FHL2: variants seen among roughly 807,000 people sequenced by gnomAD.
The protein encoded by FHL2 is four and a half LIM domains protein 2.
In FHL2, 20 loss-of-function variants were observed where a neutral mutation model predicts 32.7. The observed-to-expected ratio is 0.61, with a 90% CI of 0.43 to 0.89. The LOEUF is 0.89. Among genes scored for constraint, FHL2 ranks in the 40% least tolerant of loss-of-function variants. The pLI is 0.00. For missense variants in FHL2, 311 were observed against 358.6 expected (o/e 0.87, Z 1.07); for synonymous variants, 123 against 128.1 (o/e 0.96, Z 0.27).
At chr2:105,424,419 A>G (rs1483279548) in intron 1 of FHL2, among the ~76,000 whole-genome samples, 1 of 152,216 alleles carries the variant, frequency 6.6e-6, no homozygotes, top group African/African-American at 2.4e-5. Flanking sequence ...GCACTTTTAC[A>G]TTGTTGGTGG....
In FHL2 at chr2:105,398,986, G is replaced by A. The variant is rs772713446; in HGVS notation, c.-220C>T. 4 of 1,507,216 alleles carry A rather than the reference G, an allele frequency of 2.7e-6. No homozygotes were observed. The highest frequency in any genetic ancestry group is 3.5e-6 in the Non-Finnish European group (4 of 1,131,600). 93.4% of individuals were successfully genotyped at this position (1,507,216 alleles called of 1,614,324 possible). ...GGTACTCACGGCACCGCAGCGGGCC[G>A]GGGACTCCCGGACGGGGCTGGAGGG... On this transcript the variant is annotated 5_prime_UTR_variant, in exon 1 of 7. Transcript: ENST00000530340.
intron 1 of FHL2, among the ~76,000 whole-genome samples, chr2:105,428,568 G>T (rs373128287): frequency 6.6e-6 from 1 of 152,172 alleles, no homozygotes; most frequent in Non-Finnish European, 1.5e-5. Context: ...CCTCTCCTGC[G>T]GACAGGCCCG....
At chr2:105,369,295 C>T (rs1221406762) in intron 4 of FHL2, among the ~76,000 whole-genome samples, 2 of 152,176 alleles carry the variant, frequency 1.3e-5, no homozygotes, top group Admixed American at 6.5e-5. Context: ...TAGTCCATAG[C>T]TCTCAGCCCC....
Position 105,361,299 on chromosome 2 carries a change from C to T in FHL2, c.824G>A (p.Cys275Tyr), listed in dbSNP as rs749472445. 3 of 1,613,216 alleles carry T rather than the reference C, an allele frequency of 1.9e-6. No individual in the cohort carries two copies. Among genetic ancestry groups the T allele is most frequent in the Admixed American group, 3.3e-5 (2 of 59,790 alleles). ...TERDDILCPDCGKDI is the reference protein window; with the variant it reads ...TERDDILCPDYGKDI ...GTGTTGAATTCAGATGTCTTTCCCA[C>T]AGTCGGGGCACAGGATGTCGTCCCT... The change falls in exon 7 of 7, where the codon TGT becomes TAT. Residue 275 changes from cysteine (C) to tyrosine (Y), a missense_variant. Physicochemically the swap from Cys to Tyr is radical, Grantham distance 194. Transcript: ENST00000530340.
chr2:105,376,237 C>T (rs766423371), intron 3 of FHL2: 1 of 152,246 alleles, frequency 6.6e-6, no homozygotes, highest in Non-Finnish European at 1.5e-5. Flanking sequence ...AAGCTTCGAG[C>T]TCAAGTCCTC....
chr2:105,391,292 A>G (rs186607487), intron 2 of FHL2, among the ~76,000 whole-genome samples: 482 of 152,326 alleles, frequency 3.2e-3, no homozygotes, highest in Non-Finnish European at 5.2e-3. Flanking sequence ...GAAAAGAGAT[A>G]TATACCAAAC....
chr2:105,384,928 C>G (rs1183313655), intron 3 of FHL2, among the ~76,000 whole-genome samples: 2 of 152,232 alleles, frequency 1.3e-5, no homozygotes, highest in Non-Finnish European at 2.9e-5. Flanking sequence ...GGTGGCTGAG[C>G]TCTCATGCTT....
In FHL2 at chr2:105,361,443, A is replaced by G; in HGVS notation, c.689-9T>C. 1.9e-6 allele frequency: 3 copies of G among 1,610,808 alleles called. No individual in the cohort carries two copies. Among genetic ancestry groups the G allele is most frequent in the Non-Finnish European group, 2.5e-6 (3 of 1,178,266 alleles). On this transcript the variant is annotated splice_polypyrimidine_tract_variant and intron_variant, in intron 6 of 6. Coordinates refer to ENST00000530340, the MANE Select transcript of FHL2 (RefSeq NM_001318895.3). ...TTTTGTGCCACCAAGTCCTGTTAAC[A>G]GAGAGAAAATAATACCGGATGAAGA...
At chr2:105,387,871 A>G (rs1405304874) in intron 2 of FHL2, among the ~76,000 whole-genome samples, 1 of 152,228 alleles carries the variant, frequency 6.6e-6, no homozygotes, top group African/African-American at 2.4e-5. Flanking sequence ...CCCAGCGATG[A>G]CAGATTGGAT....
intron 5 of FHL2, among the ~76,000 whole-genome samples, chr2:105,365,974 G>A (rs1383620587): frequency 6.6e-6 from 1 of 152,162 alleles, no homozygotes; most frequent in African/African-American, 2.4e-5. Flanking sequence ...GGAGGTGGAG[G>A]CAGGTCGATC....
chr2:105,381,456 G>C (rs1681880862), intron 3 of FHL2, among the ~76,000 whole-genome samples: 1 of 152,130 alleles, frequency 6.6e-6, no homozygotes, highest in African/African-American at 2.4e-5. Flanking sequence ...CGCGCAGCTT[G>C]TCAAAGGTGG....
chr2:105,409,104 A>G (rs1683718490), intron 1 of FHL2, among the ~76,000 whole-genome samples: 1 of 152,212 alleles, frequency 6.6e-6, no homozygotes, highest in Non-Finnish European at 1.5e-5. Flanking sequence ...GCTTTAGCTC[A>G]CAGAGAGGGA....
intron 1 of FHL2, among the ~76,000 whole-genome samples, chr2:105,409,193 G>A (rs1683722000): frequency 6.6e-6 from 1 of 152,228 alleles, no homozygotes; most frequent in Non-Finnish European, 1.5e-5. Context: ...GCAAGTGAGG[G>A]AAAGAAAGAG....
chr2:105,381,336 G>C lies in FHL2; in HGVS notation c.156+5025C>G, dbSNP rs1485317552. Among the ~76,000 whole-genome samples, 5 of 152,116 alleles carry C rather than the reference G, an allele frequency of 3.3e-5. No individual in the cohort carries two copies. In the East Asian group the frequency reaches 5.8e-4, roughly 18 times the overall value. The stretch of plus-strand genomic sequence containing the variant: ...ACAGCACTGTGTTGGCATGTCACAG[G>C]TGCTCCCTAGACGTTAACTCACTCA... On this transcript the variant is annotated intron_variant, in intron 3 of 6. Coordinates refer to ENST00000530340, the MANE Select transcript of FHL2 (RefSeq NM_001318895.3).
intron 3 of FHL2, among the ~76,000 whole-genome samples, chr2:105,383,789 T>G (rs1682083229): frequency 6.6e-6 from 1 of 152,246 alleles, no homozygotes; most frequent in Admixed American, 6.5e-5. Flanking sequence ...TACCCGATTA[T>G]TTTTGAAAGT....
At chr2:105,384,818 C>T (rs1295064135) in intron 3 of FHL2, among the ~76,000 whole-genome samples, 2 of 152,204 alleles carry the variant, frequency 1.3e-5, no homozygotes. Flanking sequence ...CTGGTTCTCC[C>T]CATTTTATAG....
chr2:105,389,026 G>C (rs573609816), intron 2 of FHL2, among the ~76,000 whole-genome samples: 2 of 152,128 alleles, frequency 1.3e-5, no homozygotes, highest in African/African-American at 4.8e-5. Flanking sequence ...GCGTATACAC[G>C]ATCCTGACAA....
rs561876331 is a variant in FHL2, at chr2:105,384,259, T to C, written c.156+2102A>G. 3.3e-5 allele frequency among the ~76,000 whole-genome samples: 5 copies of C among 152,358 alleles called. No homozygotes were observed. The East Asian group carries it at 9.6e-4, about 29-fold the overall frequency. On this transcript the variant is annotated intron_variant, in intron 3 of 6. Coordinates refer to ENST00000530340, the MANE Select transcript of FHL2 (RefSeq NM_001318895.3). ...TTATAATTATATTTTTCTCGGGCTA[T>C]CTACTTCTTCCTCAAACTGGACATT...
Position 105,398,945 on chromosome 2 carries a change from G to C in FHL2, c.-179C>G. On this transcript the variant is annotated 5_prime_UTR_variant, in exon 1 of 7. Coordinates refer to ENST00000530340, the MANE Select transcript of FHL2 (RefSeq NM_001318895.3). ...GCTAAGCCCCTCGGCCTCCCTCCGGGGCGCAGGGGGTTGGAGGTACTCACG... is the reference window on the plus strand; with the variant it reads ...GCTAAGCCCCTCGGCCTCCCTCCGGCGCGCAGGGGGTTGGAGGTACTCACG... 1 of 1,533,822 alleles carries C rather than the reference G, an allele frequency of 6.5e-7. No individual in the cohort carries two copies. Among genetic ancestry groups the C allele is most frequent in the Non-Finnish European group, 8.7e-7 (1 of 1,143,590 alleles).
Sources: gnomAD v4.1 joint callset for allele counts (sites outside exome capture counted in the v4.1 genomes callset) on GRCh38, gnomAD v4.1.1 for gene constraint, MANE v1.5 for transcripts, NCBI Gene and HGNC (gene_info 2026-07-23, HGNC 2026-07-21) for gene names.